Variants in RGS7 observed in about 807,000 individuals in gnomAD.
The protein encoded by RGS7 is regulator of G protein signaling 7, also known as regulator of G-protein signaling 7.
Under a neutral mutation model 81.1 loss-of-function variants are expected in RGS7, and 27 were observed. The ratio of observed to expected loss-of-function variants is 0.33; its 90% CI spans 0.25 to 0.46. The LOEUF (loss-of-function observed/expected upper bound fraction) is 0.46. Ranked by LOEUF, RGS7 falls within the 20% of genes least tolerant of loss-of-function variation. The probability of loss-of-function intolerance (pLI) is 1.00; values close to 1 mark genes in which losing one functional copy is unlikely to be tolerated. For synonymous variants in RGS7, 208 were observed against 207.7 expected (o/e 1.00, Z -0.01); for missense variants, 396 against 607.4 (o/e 0.65, Z 3.66).
At chr1:241,054,725 A>T (rs188090502) in intron 3 of RGS7, among the ~76,000 whole-genome samples, 1 of 152,228 alleles carries the variant, frequency 6.6e-6, no homozygotes, top group Non-Finnish European at 1.5e-5. Flanking sequence ...CCAAGAATCA[A>T]CCTTGACTCT....
intron 6 of RGS7, among the ~76,000 whole-genome samples, chr1:240,925,048 T>C (rs534824260): frequency 6.6e-6 from 1 of 152,138 alleles, no homozygotes; most frequent in Non-Finnish European, 1.5e-5. Context: ...TATTTGGATA[T>C]TAGAGATTCA....
chr1:240,796,382 T>C (rs1393757019), intron 18 of RGS7, among the ~76,000 whole-genome samples: 1 of 152,140 alleles, frequency 6.6e-6, no homozygotes, highest in Non-Finnish European at 1.5e-5. Context: ...ACAATTGAGT[T>C]ACAGAGTTAA....
rs185795127 is a variant in RGS7 at position 240,854,992 on chromosome 1, G to C, written c.609+13595C>G. Among the ~76,000 whole-genome samples, 260 of 152,142 alleles carry C rather than the reference G, an allele frequency of 1.7e-3. 3 individuals are homozygous for C. Among genetic ancestry groups the C allele is most frequent in the Non-Finnish European group, 5.1e-4 (35 of 68,014 alleles). ...TCGGACGTTACAGGCCAAACAGGAG[G>C]ATTTAAGGATACTTTATCCACAATT... On this transcript the variant is annotated intron_variant, in intron 9 of 18. Coordinates refer to ENST00000440928, the MANE Select transcript of RGS7 (RefSeq NM_001364886.1).
At chr1:240,889,019 G>A (rs1417953954) in intron 6 of RGS7, among the ~76,000 whole-genome samples, 2 of 152,116 alleles carry the variant, frequency 1.3e-5, no homozygotes, top group African/African-American at 4.8e-5. Flanking sequence ...GCAGTGGTGC[G>A]ATCGCGGCTC....
chr1:240,793,090 T>C (rs930876171), intron 18 of RGS7, among the ~76,000 whole-genome samples: 8 of 152,096 alleles, frequency 5.3e-5, no homozygotes, highest in Admixed American at 2.0e-4. Context: ...GCCCCTGGCA[T>C]ATGTAGCAGC....
chr1:240,776,237 G>T lies in RGS7; in HGVS notation c.*7-24C>A, dbSNP rs751253030. 5.8e-6 allele frequency: 9 copies of T among 1,559,846 alleles called. No individual in the cohort carries two copies. In the South Asian group the frequency reaches 1.0e-4, roughly 17 times the overall value. Reference sequence around the variant, plus strand: ...CCCTGAGAAAATATATAAAACAAGAGAAAAGAAAGAAAATCAAGTACGATC... The same window carrying T: ...CCCTGAGAAAATATATAAAACAAGATAAAAGAAAGAAAATCAAGTACGATC... On this transcript the variant is annotated intron_variant, in intron 18 of 18. Coordinates refer to ENST00000440928, the MANE Select transcript of RGS7 (RefSeq NM_001364886.1).
chr1:241,177,656 T>TG (rs1172973524), intron 2 of RGS7, among the ~76,000 whole-genome samples: 1 of 152,110 alleles, frequency 6.6e-6, no homozygotes. Context: ...GAAGTTTAGG[T>TG]GAAAAAGCCT....
At chr1:241,152,016 A>G (rs1572903115) in intron 2 of RGS7, among the ~76,000 whole-genome samples, 1 of 152,102 alleles carries the variant, frequency 6.6e-6, no homozygotes, top group East Asian at 1.9e-4. Flanking sequence ...AGTCCAGAAC[A>G]TTCTATGCAT....
At chr1:240,940,090 A>G (rs1352765123) in intron 4 of RGS7, among the ~76,000 whole-genome samples, 1 of 152,064 alleles carries the variant, frequency 6.6e-6, no homozygotes, top group African/African-American at 2.4e-5. Flanking sequence ...AAAAAATTAA[A>G]TTAAATTAAA....
chr1:241,102,198 CAAAAG>C (rs1411572902), intron 2 of RGS7, among the ~76,000 whole-genome samples: 1 of 151,862 alleles, frequency 6.6e-6, no homozygotes, highest in East Asian at 1.9e-4. Flanking sequence ...CAAAAACAAA[CAAAAG>C]AAAACAACAA....
intron 2 of RGS7, among the ~76,000 whole-genome samples, chr1:241,297,993 C>T (rs767494862): frequency 9.9e-5 from 15 of 152,092 alleles, no homozygotes; most frequent in Non-Finnish European, 2.2e-4. Flanking sequence ...GTGCATCATT[C>T]AAATTGGCAA....
intron 2 of RGS7, among the ~76,000 whole-genome samples, chr1:241,295,212 G>A (rs1438827064): frequency 6.6e-6 from 1 of 152,094 alleles, no homozygotes; most frequent in Non-Finnish European, 1.5e-5. Context: ...ACTTTGGGAG[G>A]CCAAGGCGGG....
intron 4 of RGS7, among the ~76,000 whole-genome samples, chr1:240,946,564 G>A (rs1390368030): frequency 6.6e-6 from 1 of 152,056 alleles, no homozygotes; most frequent in African/African-American, 2.4e-5. Context: ...CCATGATCAT[G>A]CCACTGCACT....
chr1:241,181,654 A>G (rs1286663574), intron 2 of RGS7, among the ~76,000 whole-genome samples: 3 of 152,158 alleles, frequency 2.0e-5, no homozygotes, highest in Non-Finnish European at 4.4e-5. Flanking sequence ...AGAACTCAGG[A>G]AACATTTCTT....
At chr1:241,026,540 G>A (rs1215784098) in intron 3 of RGS7, among the ~76,000 whole-genome samples, 1 of 151,850 alleles carries the variant, frequency 6.6e-6, no homozygotes, top group African/African-American at 2.4e-5. Context: ...AGTGAGCCGA[G>A]ATCGCGCCAC....
At chr1:241,275,157 C>T (rs2078126533) in intron 2 of RGS7, among the ~76,000 whole-genome samples, 1 of 152,046 alleles carries the variant, frequency 6.6e-6, no homozygotes, top group Admixed American at 6.5e-5. Flanking sequence ...TATAGCTGGC[C>T]CCTGTTCAGC....
chr1:240,897,247 T>G (rs1168147994), intron 6 of RGS7, among the ~76,000 whole-genome samples: 45 of 152,222 alleles, frequency 3.0e-4, no homozygotes, highest in Non-Finnish European at 1.5e-5. Flanking sequence ...TTTGACTTCC[T>G]CTTTTCCTAA....
At chr1:240,922,165 T>G (rs1483107812) in intron 6 of RGS7, among the ~76,000 whole-genome samples, 2 of 151,832 alleles carry the variant, frequency 1.3e-5, no homozygotes, top group Non-Finnish European at 2.9e-5. Flanking sequence ...CAACTAGACC[T>G]CTACATGCAA....
chr1:240,885,980 T>C (rs1452210068), intron 6 of RGS7, among the ~76,000 whole-genome samples: 1 of 152,206 alleles, frequency 6.6e-6, no homozygotes, highest in Non-Finnish European at 1.5e-5. Context: ...AACTTCATTC[T>C]TTCATAGGTA....
Sources: allele counts gnomAD v4.1 joint callset (sites outside exome capture counted in the v4.1 genomes callset), GRCh38; gene constraint gnomAD v4.1.1; transcripts MANE v1.5; gene names NCBI Gene and HGNC (gene_info 2026-07-23, HGNC 2026-07-21).